The following CLVS1 variants were observed in gnomAD, a reference collection of about 807,000 sequenced individuals.
CLVS1 encodes clavesin-1.
In CLVS1, 10 loss-of-function variants were observed where a neutral mutation model predicts 33.1. The observed-to-expected ratio is 0.30, with a 90% confidence interval of 0.19 to 0.51. CLVS1 has a LOEUF of 0.51. Among genes scored for constraint, CLVS1 ranks in the 20% least tolerant of loss-of-function variants. The pLI, the probability that CLVS1 is intolerant of heterozygous loss-of-function variation, is 0.97. For missense variants in CLVS1, 343 were observed against 433.4 expected (o/e 0.79, Z 1.85); for synonymous variants, 163 against 166.1 (o/e 0.98, Z 0.14).
Position 61,119,046 on chromosome 8 carries a change from T to C in CLVS1, c.-242-12724T>C, listed in dbSNP as rs1005055782. On this transcript the variant is annotated intron_variant, in intron 1 of 2. Coordinates refer to the CLVS1 transcript ENST00000522621. ...ATCACTCAGGACTTGCTTTATGAAT[T>C]TGGGTGCTCCTGTATTGGGTGCATA... Among the ~76,000 whole-genome samples, 18 of 152,148 alleles carry C rather than the reference T, an allele frequency of 1.2e-4. 1 individual carries two copies. The highest frequency in any genetic ancestry group is 5.9e-5 in the Non-Finnish European group (4 of 68,016).
chr8:61,219,654 G>GT (rs1245929569), intron 2 of CLVS1, among the ~76,000 whole-genome samples: 1 of 152,126 alleles, frequency 6.6e-6, no homozygotes. Context: ...ATTCCTTTGG[G>GT]TATATACCCA....
chr8:61,262,387 G>A (rs1197435056), intron 2 of CLVS1, among the ~76,000 whole-genome samples: 2 of 151,940 alleles, frequency 1.3e-5, no homozygotes, highest in African/African-American at 2.4e-5. Context: ...CTCATCAAAC[G>A]TATAGTCCTT....
At chr8:61,039,172 A>G in the CLVS1 span, among the ~76,000 whole-genome samples, 1 of 152,230 alleles carries the variant, frequency 6.6e-6, no homozygotes, top group Non-Finnish European at 1.5e-5. Flanking sequence ...GACTAGGACA[A>G]TAAGAAATAT....
chr8:61,208,187 T>C (rs1190306088), intron 2 of CLVS1, among the ~76,000 whole-genome samples: 1 of 152,252 alleles, frequency 6.6e-6, no homozygotes, highest in Non-Finnish European at 1.5e-5. Flanking sequence ...CTGTGATCCA[T>C]CACCAGAACA....
chr8:61,466,601 T>C lies in CLVS1; in HGVS notation c.977+8059T>C, dbSNP rs117369634. On this transcript the variant is annotated intron_variant, in intron 5 of 5. Transcript: ENST00000325897. ...AAGCAATTACTTTCTGGTTCTTGCC[T>C]TTATTGCTGATAAAGTAATTAAAAT... 1.2e-3 allele frequency among the ~76,000 whole-genome samples: 190 copies of C among 152,328 alleles called. 2 individuals carry two copies. The East Asian group carries it at 0.03, about 24-fold the overall frequency.
rs1814677619 is a variant in CLVS1 at position 61,399,803 on chromosome 8, A to G, written c.630+23024A>G. Reference sequence around the variant, plus strand: ...TTATTAAATAGGGAATCCTTTCCCCATTGCTTGTCTTTGTCAAGTTTGTCA... The same window carrying G: ...TTATTAAATAGGGAATCCTTTCCCCGTTGCTTGTCTTTGTCAAGTTTGTCA... On this transcript the variant is annotated intron_variant, in intron 3 of 5. Coordinates refer to ENST00000325897, the MANE Select transcript of CLVS1 (RefSeq NM_173519.3). Among the ~76,000 whole-genome samples the G allele has an allele frequency of 2.0e-5, 3 of 152,138 alleles. No homozygotes were observed. The South Asian group carries it at 6.2e-4, about 32-fold the overall frequency.
intron 2 of CLVS1, among the ~76,000 whole-genome samples, chr8:61,149,077 G>A (rs1005875644): frequency 6.6e-6 from 1 of 151,750 alleles, no homozygotes; most frequent in Non-Finnish European, 1.5e-5. Context: ...ATTTTTTTTG[G>A]TTGTTTTCTT....
At chr8:61,447,536 A>G (rs987712463) in intron 3 of CLVS1, among the ~76,000 whole-genome samples, 1 of 151,700 alleles carries the variant, frequency 6.6e-6, no homozygotes, top group Non-Finnish European at 1.5e-5. Context: ...ATTATTAAAT[A>G]TATCTTTTCA....
At chr8:61,216,107 C>T (rs986218813) in intron 2 of CLVS1, among the ~76,000 whole-genome samples, 1 of 152,180 alleles carries the variant, frequency 6.6e-6, no homozygotes, top group Admixed American at 6.5e-5. Context: ...ATTGAGATTT[C>T]TTTATGGTCA....
At chr8:61,402,799 A>G (rs1485608035) in intron 3 of CLVS1, among the ~76,000 whole-genome samples, 2 of 152,244 alleles carry the variant, frequency 1.3e-5, no homozygotes, top group Non-Finnish European at 1.5e-5. Context: ...GTTGAAAACT[A>G]TCACAGAATC....
Position 61,461,407 on chromosome 8 carries a change from C to A in CLVS1, c.977+2865C>A, listed in dbSNP as rs556131479. 2.0e-5 allele frequency among the ~76,000 whole-genome samples: 3 copies of A among 152,152 alleles called. No individual in the cohort carries two copies. In the East Asian group the frequency reaches 5.8e-4, roughly 29 times the overall value. ...TGCTCTGATAGAGGTTCTTGTCAAA[C>A]CTGATGTTTCTGATGTCTTATCTTC... On this transcript the variant is annotated intron_variant, in intron 5 of 5. Transcript: ENST00000325897.
chr8:61,045,131 G>C, the CLVS1 span, among the ~76,000 whole-genome samples: 1 of 152,224 alleles, frequency 6.6e-6, no homozygotes, highest in African/African-American at 2.4e-5. Context: ...CACCAGGGCT[G>C]ATTAAACTAC....
intron 2 of CLVS1, among the ~76,000 whole-genome samples, chr8:61,170,326 T>C (rs1806967661): frequency 6.6e-6 from 1 of 152,090 alleles, no homozygotes; most frequent in Admixed American, 6.6e-5. Context: ...CTCTCTCACT[T>C]TCTCCCCCTC....
chr8:61,228,086 G>T (rs1265206395), intron 2 of CLVS1, among the ~76,000 whole-genome samples: 1 of 152,078 alleles, frequency 6.6e-6, no homozygotes, highest in African/African-American at 2.4e-5. Context: ...TTCTGAGAAA[G>T]CCTGTTTTTA....
At chr8:60,996,092 G>C in the CLVS1 span, among the ~76,000 whole-genome samples, 1 of 151,898 alleles carries the variant, frequency 6.6e-6, no homozygotes, top group Non-Finnish European at 1.5e-5. Context: ...CAGCGCACCA[G>C]CATGGCACAT....
At chr8:60,968,069 G>A in the CLVS1 span, among the ~76,000 whole-genome samples, 1 of 152,096 alleles carries the variant, frequency 6.6e-6, no homozygotes, top group Non-Finnish European at 1.5e-5. Context: ...CCCCCAAGTC[G>A]CTGGGACCAC....
chr8:61,278,138 C>T (rs1338850605), intron 2 of CLVS1, among the ~76,000 whole-genome samples: 8 of 152,176 alleles, frequency 5.3e-5, no homozygotes, highest in Non-Finnish European at 1.2e-4. Flanking sequence ...GGGCCGAGAG[C>T]ATTCCTGCAT....
At chr8:61,271,529 G>A (rs957629415) in intron 2 of CLVS1, among the ~76,000 whole-genome samples, 4 of 147,956 alleles carry the variant, frequency 2.7e-5, no homozygotes, top group African/African-American at 1.0e-4. Flanking sequence ...TGTCTATTAG[G>A]TCTGCTTGGT....
chr8:61,337,067 G>A (rs1230335920), intron 2 of CLVS1, among the ~76,000 whole-genome samples: 4 of 152,100 alleles, frequency 2.6e-5, no homozygotes, highest in Non-Finnish European at 1.5e-5. Context: ...GCTTGACTAC[G>A]GTAACTGACA....
Sources: gnomAD v4.1 joint callset for allele counts (sites outside exome capture counted in the v4.1 genomes callset) on GRCh38, gnomAD v4.1.1 for gene constraint, MANE v1.5 for transcripts, NCBI Gene and HGNC (gene_info 2026-07-23, HGNC 2026-07-21) for gene names.